MGMT: variants seen among roughly 807,000 people sequenced by gnomAD.
MGMT encodes the protein O-6-methylguanine-DNA methyltransferase.
Under a neutral mutation model 15.9 loss-of-function variants are expected in MGMT, and 14 were observed. The observed-to-expected ratio is 0.88, with a 90% CI of 0.58 to 1.37. The LOEUF (loss-of-function observed/expected upper bound fraction) is 1.37. MGMT is among the 40% of genes most tolerant of loss of function. MGMT has a pLI of 0.00. For synonymous variants in MGMT, 130 were observed against 118.2 expected, an observed-to-expected ratio of 1.10 and a Z score of -0.65; for missense variants, 282 against 268.1, an observed-to-expected ratio of 1.05 and a Z score of -0.36.
At chr10:129,553,793 T>G (rs960853215) in intron 2 of MGMT, among the ~76,000 whole-genome samples, 3 of 152,188 alleles carry the variant, frequency 2.0e-5, no homozygotes, top group Non-Finnish European at 4.4e-5. Flanking sequence ...TCTTGTTGCC[T>G]GCCTGCCCCA....
intron 3 of MGMT, among the ~76,000 whole-genome samples, chr10:129,753,310 A>G (rs1230355433): frequency 6.6e-6 from 1 of 152,102 alleles, no homozygotes; most frequent in East Asian, 1.9e-4. Flanking sequence ...GATTTCTTTG[A>G]ATGTGTCCTG....
intron 1 of MGMT, among the ~76,000 whole-genome samples, chr10:129,509,982 A>G (rs772778253): frequency 3.3e-5 from 5 of 152,134 alleles, no homozygotes; most frequent in Non-Finnish European, 4.4e-5. Flanking sequence ...GCCAGATTGG[A>G]GGTGGGAGCA....
chr10:129,734,770 AG>A (rs1401037710), intron 3 of MGMT, among the ~76,000 whole-genome samples: 2 of 152,146 alleles, frequency 1.3e-5, no homozygotes, highest in African/African-American at 2.4e-5. Context: ...TTTAGCATGA[AG>A]GGTTGTTGAA....
intron 1 of MGMT, among the ~76,000 whole-genome samples, chr10:129,520,959 AGCCCCT>A (rs1845802135): frequency 3.4e-5 from 3 of 87,920 alleles, no homozygotes; most frequent in African/African-American, 7.3e-5. Context: ...GTGCCTACAG[AGCCCCT>A]ACGGTGAGGG....
At chr10:129,511,315 T>C (rs1589842391) in intron 1 of MGMT, among the ~76,000 whole-genome samples, 4 of 148,742 alleles carry the variant, frequency 2.7e-5, no homozygotes, top group South Asian at 2.2e-4. Context: ...ACGTGCTTTC[T>C]GTGATGAGAA....
At chr10:129,593,958 T>C (rs539283110) in intron 2 of MGMT, among the ~76,000 whole-genome samples, 1 of 152,346 alleles carries the variant, frequency 6.6e-6, no homozygotes, top group South Asian at 2.1e-4. Flanking sequence ...TCGACTTTGC[T>C]CTGCCCTGGG....
At chr10:129,589,152 G>A (rs1013717896) in intron 2 of MGMT, among the ~76,000 whole-genome samples, 5 of 152,264 alleles carry the variant, frequency 3.3e-5, no homozygotes, top group Non-Finnish European at 7.3e-5. Context: ...TCTGGCTGAA[G>A]AAGCGGTATC....
intron 2 of MGMT, among the ~76,000 whole-genome samples, chr10:129,617,070 A>T: frequency 6.9e-6 from 1 of 144,514 alleles, no homozygotes; most frequent in East Asian, 1.9e-4. Context: ...CTTCATCCAC[A>T]TGATAAGCAC....
rs1160662637 is a variant in MGMT at position 129,659,786 on chromosome 10, T to C, written c.126-48109T>C. On this transcript the variant is annotated intron_variant, in intron 2 of 4. Transcript: ENST00000651593. The surrounding 1 kb of genome is among the most constrained non-coding windows in gnomAD (Gnocchi z 4.1). ...ACTGACACGAAAACAGAAGTAAAAG[T>C]CTAAATTGAACCAAAGTCCTCCTTA... is the stretch of plus-strand genomic sequence containing the variant. Among the ~76,000 whole-genome samples, 1 of 152,160 alleles carries C rather than the reference T, an allele frequency of 6.6e-6. No individual in the cohort carries two copies. The highest frequency in any genetic ancestry group is 1.9e-4 in the East Asian group (1 of 5,188).
chr10:129,522,314 C>T (rs973397932), intron 1 of MGMT, among the ~76,000 whole-genome samples: 18 of 152,164 alleles, frequency 1.2e-4, no homozygotes, highest in African/African-American at 3.9e-4. Flanking sequence ...GCCTTGGGCC[C>T]CTGGACACAG....
chr10:129,689,470 G>A (rs115906424), intron 2 of MGMT, among the ~76,000 whole-genome samples: 1,668 of 151,974 alleles, frequency 0.011, 29 homozygotes, highest in African/African-American at 0.038. Flanking sequence ...TTGAACATGG[G>A]GACAAAAAAG....
chr10:129,520,916 A>G (rs1256502978), intron 1 of MGMT, among the ~76,000 whole-genome samples: 1 of 138,166 alleles, frequency 7.2e-6, no homozygotes, highest in African/African-American at 2.7e-5. Flanking sequence ...TGCATACAGA[A>G]CCCCTACGGT....
At chr10:129,664,126 T>G (rs1589923160) in intron 2 of MGMT, among the ~76,000 whole-genome samples, 1 of 152,176 alleles carries the variant, frequency 6.6e-6, no homozygotes. Flanking sequence ...ATATAACCTT[T>G]CTATGCCCAG....
intron 2 of MGMT, among the ~76,000 whole-genome samples, chr10:129,543,263 C>T (rs374038360): frequency 9.9e-4 from 148 of 149,836 alleles, no homozygotes; most frequent in African/African-American, 3.2e-3. Flanking sequence ...GAGGGTATGG[C>T]GTGAAAACCC....
chr10:129,552,397 G>A (rs1032605537), intron 2 of MGMT, among the ~76,000 whole-genome samples: 2 of 152,222 alleles, frequency 1.3e-5, no homozygotes, highest in African/African-American at 4.8e-5. Flanking sequence ...CCCCGGGCCT[G>A]GGCCTCCTGC....
At chr10:129,596,712 T>C (rs1201535027) in intron 2 of MGMT, among the ~76,000 whole-genome samples, 1 of 152,224 alleles carries the variant, frequency 6.6e-6, no homozygotes, top group Non-Finnish European at 1.5e-5. Flanking sequence ...GAAATACATT[T>C]CCCTCACTTG....
At chr10:129,547,370 C>T (rs1216119612) in intron 2 of MGMT, among the ~76,000 whole-genome samples, 3 of 152,162 alleles carry the variant, frequency 2.0e-5, no homozygotes, top group Non-Finnish European at 2.9e-5. Flanking sequence ...CCCCCCTTTC[C>T]TCCTGTACCC....
At chr10:129,486,403 A>G (rs975171130) in intron 1 of MGMT, among the ~76,000 whole-genome samples, 1 of 151,908 alleles carries the variant, frequency 6.6e-6, no homozygotes, top group African/African-American at 2.4e-5. Context: ...TGGCCAGGCT[A>G]TTCTCGAACT....
intron 2 of MGMT, among the ~76,000 whole-genome samples, chr10:129,586,665 T>A (rs745310003): frequency 5.3e-5 from 8 of 152,216 alleles, no homozygotes; most frequent in Non-Finnish European, 8.8e-5. Flanking sequence ...CTTTCTGCTT[T>A]CGGCTGTTGC....
Sources: gnomAD v4.1 joint callset for allele counts (sites outside exome capture counted in the v4.1 genomes callset) on GRCh38, gnomAD v4.1.1 for gene constraint, Gnocchi (gnomAD v3.1) non-coding constraint, MANE v1.5 for transcripts, NCBI Gene and HGNC (gene_info 2026-07-23, HGNC 2026-07-21) for gene names.